The following ARHGAP26 variants were observed in gnomAD, a reference collection of about 807,000 sequenced individuals.
ARHGAP26 encodes the protein rho GTPase-activating protein 26.
Under a neutral mutation model 104.8 loss-of-function variants are expected in ARHGAP26, and 38 were observed. The observed-to-expected ratio is 0.36, with a 90% CI of 0.28 to 0.48. The LOEUF is 0.48. Ranked by LOEUF, ARHGAP26 falls within the 20% of genes least tolerant of loss-of-function variation. The pLI is 0.99. For synonymous variants in ARHGAP26, 341 were observed against 340.0 expected, an observed-to-expected ratio of 1.00 and a Z score of -0.03; for missense variants, 704 against 947.9, an observed-to-expected ratio of 0.74 and a Z score of 3.38.
chr5:142,856,718 A>G (rs1402742897), intron 1 of ARHGAP26, among the ~76,000 whole-genome samples: 1 of 152,182 alleles, frequency 6.6e-6, no homozygotes, highest in Non-Finnish European at 1.5e-5. Flanking sequence ...TTTACATAGC[A>G]TTTACATTGT....
At chr5:142,806,116 C>T (rs1762940259) in intron 1 of ARHGAP26, among the ~76,000 whole-genome samples, 1 of 152,128 alleles carries the variant, frequency 6.6e-6, no homozygotes, top group Admixed American at 6.5e-5. Context: ...TTGTCGGAGA[C>T]AGAGTCTTGC....
Position 142,795,024 on chromosome 5 carries a change from G to A in ARHGAP26, c.154+24109G>A, listed in dbSNP as rs560055754. Among the ~76,000 whole-genome samples, 4 of 151,432 alleles carry A rather than the reference G, an allele frequency of 2.6e-5. No homozygotes were observed. The East Asian group carries it at 7.8e-4, about 29-fold the overall frequency. ...TTTTTTAGGCTTTGTGCGCCACATA[G>A]TGTCTCTGTCATATCTTCTTCTTCT... On this transcript the variant is annotated intron_variant, in intron 1 of 22. Transcript: ENST00000645722.
At chr5:142,901,213 G>C (rs1216977482) in intron 6 of ARHGAP26, among the ~76,000 whole-genome samples, 1 of 152,188 alleles carries the variant, frequency 6.6e-6, no homozygotes, top group Non-Finnish European at 1.5e-5. Flanking sequence ...GGTGAGCATT[G>C]TGGTGAACAG....
chr5:142,879,347 TTC>T, intron 3 of ARHGAP26, 25 bp from the exon 4 acceptor site: 2 of 1,606,066 alleles, frequency 1.2e-6, no homozygotes, highest in Non-Finnish European at 1.7e-6. Flanking sequence ...TGTGTCTTCT[TTC>T]CCTTACTCTG....
At chr5:142,973,023 A>C (rs1772507755) in intron 11 of ARHGAP26, among the ~76,000 whole-genome samples, 1 of 152,042 alleles carries the variant, frequency 6.6e-6, no homozygotes, top group South Asian at 2.1e-4. Flanking sequence ...TATTTTATTA[A>C]ATTTTAATTG....
chr5:143,104,817 G>A (rs2398610), intron 17 of ARHGAP26, among the ~76,000 whole-genome samples: 128,138 of 152,202 alleles, frequency 0.84, 54,960 homozygotes, highest in Non-Finnish European at 0.92. Flanking sequence ...GGTGTCTGCA[G>A]TATGATTCCA....
chr5:143,035,359 A>G (rs1297796875), intron 12 of ARHGAP26, among the ~76,000 whole-genome samples: 2 of 152,240 alleles, frequency 1.3e-5, no homozygotes, highest in East Asian at 1.9e-4. Context: ...CTACTGAGCT[A>G]TAAAAAGGAA....
At position 142,804,502 on chromosome 5, in the gene ARHGAP26, A is replaced by G. The variant is rs536193990; in HGVS notation, c.154+33587A>G. Among the ~76,000 whole-genome samples the G allele has an allele frequency of 5.9e-5, 9 of 151,982 alleles. No individual in the cohort carries two copies. In the South Asian group the frequency reaches 1.9e-3, roughly 32 times the overall value. The stretch of plus-strand genomic sequence containing the variant: ...TGAACAGATTTTATTTTTTATTTTT[A>G]TTTTTTTGAGACCGAGTCTCACTGT... On this transcript the variant is annotated intron_variant, in intron 1 of 22. Coordinates refer to ENST00000645722, the MANE Select transcript of ARHGAP26 (RefSeq NM_001135608.3).
At chr5:143,029,061 G>T (rs900443282) in intron 12 of ARHGAP26, among the ~76,000 whole-genome samples, 5 of 152,160 alleles carry the variant, frequency 3.3e-5, no homozygotes, top group African/African-American at 7.2e-5. Flanking sequence ...AGCCCAGGGA[G>T]CCCTGGCAAC....
At chr5:143,137,753 G>A (rs1269286540) in intron 19 of ARHGAP26, among the ~76,000 whole-genome samples, 1 of 152,192 alleles carries the variant, frequency 6.6e-6, no homozygotes, top group Admixed American at 6.5e-5. Flanking sequence ...TGCTTAGTGG[G>A]GTTGAGGCTT....
At chr5:143,139,456 C>G (rs1798266287) in intron 19 of ARHGAP26, among the ~76,000 whole-genome samples, 1 of 152,190 alleles carries the variant, frequency 6.6e-6, no homozygotes, top group Non-Finnish European at 1.5e-5. Flanking sequence ...TTTGTCAGTT[C>G]TTGAGCTACA....
intron 20 of ARHGAP26, among the ~76,000 whole-genome samples, chr5:143,157,281 A>G (rs897011244): frequency 2.0e-5 from 3 of 151,478 alleles, no homozygotes; most frequent in Admixed American, 6.6e-5. Flanking sequence ...GGTTCAAGCA[A>G]TTCTCCCACC....
intron 10 of ARHGAP26, among the ~76,000 whole-genome samples, chr5:142,914,051 C>T (rs561383293): frequency 4.9e-4 from 74 of 152,174 alleles, no homozygotes; most frequent in Non-Finnish European, 7.8e-4. Context: ...CATGATACTC[C>T]GTATAATGCC....
rs139107351 is a variant in ARHGAP26, at chr5:143,210,971, C to G, written c.2100-3026C>G. On this transcript the variant is annotated intron_variant, in intron 21 of 22. Coordinates refer to ENST00000645722, the MANE Select transcript of ARHGAP26 (RefSeq NM_001135608.3). ...AGATATACTGTGGAGAATAGGAAGC[C>G]AAAGAACCAATGATGCCTGGTGGAG... Among the ~76,000 whole-genome samples the G allele has an allele frequency of 2.3e-3, 353 of 152,304 alleles. 2 individuals carry two copies. Among genetic ancestry groups the G allele is most frequent in the African/African-American group, 8.2e-3 (343 of 41,576 alleles).
At chr5:142,940,359 G>A (rs752876142) in intron 11 of ARHGAP26, among the ~76,000 whole-genome samples, 10 of 152,040 alleles carry the variant, frequency 6.6e-5, no homozygotes, top group Non-Finnish European at 1.5e-4. Context: ...ACATGTGCAG[G>A]TTTGTTATGT....
intron 11 of ARHGAP26, among the ~76,000 whole-genome samples, chr5:142,976,421 A>G (rs1391241676): frequency 6.6e-6 from 1 of 152,182 alleles, no homozygotes; most frequent in Non-Finnish European, 1.5e-5. Context: ...CTTGATCCCT[A>G]TTTGGCCCTT....
chr5:142,863,778 T>A (rs1236677626), intron 1 of ARHGAP26, among the ~76,000 whole-genome samples: 2 of 152,176 alleles, frequency 1.3e-5, no homozygotes, highest in African/African-American at 4.8e-5. Flanking sequence ...ATGGGAATTT[T>A]GACAAGATCC....
chr5:143,171,939 T>C (rs1471458455), intron 20 of ARHGAP26, among the ~76,000 whole-genome samples: 1 of 152,180 alleles, frequency 6.6e-6, no homozygotes, highest in Non-Finnish European at 1.5e-5. Flanking sequence ...TCCTTTTATT[T>C]CTTAGAATCC....
At chr5:143,158,545 T>C (rs1800790727) in intron 20 of ARHGAP26, among the ~76,000 whole-genome samples, 2 of 152,246 alleles carry the variant, frequency 1.3e-5, no homozygotes, top group Non-Finnish European at 2.9e-5. Flanking sequence ...ACTGTCATTA[T>C]GGCAAAAGGG....
Sources: gnomAD v4.1 joint callset for allele counts (sites outside exome capture counted in the v4.1 genomes callset) on GRCh38, gnomAD v4.1.1 for gene constraint, MANE v1.5 for transcripts, NCBI Gene and HGNC (gene_info 2026-07-23, HGNC 2026-07-21) for gene names.